The following GIT2 variants were observed in gnomAD, a reference collection of about 807,000 sequenced individuals.
GIT2 encodes ARF GTPase-activating protein GIT2.
In GIT2, 32 loss-of-function variants were observed where a neutral mutation model predicts 100.3. The observed-to-expected ratio is 0.32, with a 90% CI of 0.24 to 0.43. GIT2 has a LOEUF of 0.43. Ranked by LOEUF, GIT2 falls within the 20% of genes least tolerant of loss-of-function variation. The probability of loss-of-function intolerance (pLI) is 1.00; values close to 1 mark genes in which losing one functional copy is unlikely to be tolerated. For missense variants in GIT2, 737 were observed against 975.1 expected (o/e 0.76, Z 3.25); for synonymous variants, 353 against 364.1 (o/e 0.97, Z 0.35).
chr12:109,933,942 A>G lies in GIT2; in HGVS notation c.2067+80T>C, dbSNP rs1050400522. 3.2e-5 allele frequency: 26 copies of G among 822,742 alleles called. No homozygotes were observed. Among genetic ancestry groups the G allele is most frequent in the Non-Finnish European group, 5.0e-5 (23 of 459,744 alleles). The allele number at this position is 822,742 out of a possible 1,614,324, so 51.0% of individuals were successfully genotyped here. A position where few individuals can be genotyped will look rare whatever the true frequency, so the allele number is the denominator to read the frequency against. ...AAACTGCATGTGCTACAAAAAAGCT[A>G]ATGTAATATATAGGTCATAAAGAAA... On this transcript the variant is annotated intron_variant, in intron 19 of 19. Transcript: ENST00000355312. The surrounding 1 kb of genome is among the most constrained non-coding windows in gnomAD (Gnocchi z 4.5).
chr12:109,933,705 G>A lies in GIT2; in HGVS notation c.2067+317C>T, dbSNP rs1380986113. On this transcript the variant is annotated intron_variant, in intron 19 of 19. Transcript: ENST00000355312. This position sits in a 1 kb window ranked among gnomAD's most constrained non-coding sequence, Gnocchi z 4.5. ...CAACCTCCGCCTCCTGGGTTCAAGC[G>A]ATTCTCCTGCTTCAGCCTCCTGAGT... 1.8e-5 allele frequency: 5 copies of A among 273,708 alleles called. No individual in the cohort carries two copies. Among genetic ancestry groups the A allele is most frequent in the Admixed American group, 4.8e-5 (1 of 20,692 alleles). 17.0% of individuals were successfully genotyped at this position (273,708 alleles called of 1,614,324 possible).
intron 12 of GIT2, among the ~76,000 whole-genome samples, chr12:109,954,884 G>A (rs1225765092): frequency 1.4e-5 from 2 of 148,002 alleles, no homozygotes; most frequent in Admixed American, 6.7e-5. Context: ...GGATGACAGC[G>A]AGACTCTGTC....
At chr12:109,961,898 C>CA (rs1218852850) in intron 9 of GIT2, among the ~76,000 whole-genome samples, 3 of 152,180 alleles carry the variant, frequency 2.0e-5, no homozygotes, top group Non-Finnish European at 4.4e-5. Context: ...CTTTATGACA[C>CA]AGACAGAGCT....
intron 2 of GIT2, among the ~76,000 whole-genome samples, chr12:109,990,886 C>T (rs992519786): frequency 2.0e-5 from 3 of 152,214 alleles, no homozygotes; most frequent in Non-Finnish European, 4.4e-5. Flanking sequence ...TCTGAGGAAT[C>T]CCAGCCCATG....
chr12:109,983,611 A>G lies in GIT2; in HGVS notation c.489T>C (p.His163=). Residue 163 remains histidine, a synonymous_variant, in exon 5 of 20, where the codon CAT becomes CAC. Transcript: ENST00000355312. The stretch of plus-strand genomic sequence containing the variant: ...GAAGCAATTCATGTTTTCTTACAGG[A>G]TGAAAGAAGTTGGCTTGTGCTCCTA... ...LSLGAQANFF[H]PEKGNTPLHV... 1.9e-6 allele frequency: 3 copies of G among 1,605,460 alleles called. No homozygotes were observed. Among genetic ancestry groups the G allele is most frequent in the African/African-American group, 1.3e-5 (1 of 74,846 alleles).
At chr12:109,977,098 G>A (rs936167596) in intron 7 of GIT2, among the ~76,000 whole-genome samples, 3 of 151,576 alleles carry the variant, frequency 2.0e-5, no homozygotes, top group African/African-American at 7.3e-5. Context: ...TTTTTTTCCT[G>A]TTAGAATGTC....
At chr12:109,994,366 T>TC (rs1183007450) in intron 1 of GIT2, among the ~76,000 whole-genome samples, 1 of 152,114 alleles carries the variant, frequency 6.6e-6, no homozygotes, top group Non-Finnish European at 1.5e-5. Flanking sequence ...TGTTTGTGAC[T>TC]CCCCCAGACA....
intron 1 of GIT2, among the ~76,000 whole-genome samples, chr12:109,995,715 T>G (rs1889231344): frequency 6.6e-6 from 1 of 152,224 alleles, no homozygotes. Context: ...GGAAGTCATC[T>G]ACGGGGACCC....
Position 109,947,304 on chromosome 12 carries a change from C to T in GIT2, c.1593G>A (p.Ala531=), listed in dbSNP as rs1413255204. The T allele has an allele frequency of 6.2e-6, 10 of 1,614,098 alleles. No homozygotes were observed. Among genetic ancestry groups the T allele is most frequent in the East Asian group, 4.5e-5 (2 of 44,890 alleles). The change falls in exon 15 of 20, where the codon GCG becomes GCA. Residue 531 remains alanine, a synonymous_variant. Transcript: ENST00000355312. This position sits in a 1 kb window ranked among gnomAD's most constrained non-coding sequence, Gnocchi z 4.3. ...GQKPYLPMGE[A]SRPEESRMRL... ...TCATCCTGCTCTCTTCGGGGCGGCT[C>T]GCTTCTCCCATTGGGAGATATGGTT... is the stretch of plus-strand genomic sequence containing the variant.
intron 7 of GIT2, among the ~76,000 whole-genome samples, chr12:109,968,663 T>C (rs548906239): frequency 6.6e-6 from 1 of 152,200 alleles, no homozygotes; most frequent in South Asian, 2.1e-4. Context: ...CCTCAGGTGA[T>C]CTGCCTGCGT....
chr12:109,980,397 T>A (rs916429652), intron 7 of GIT2, among the ~76,000 whole-genome samples: 7 of 151,920 alleles, frequency 4.6e-5, no homozygotes, highest in African/African-American at 1.2e-4. Context: ...TTATTTATTT[T>A]TATTTATTTA....
Position 109,944,070 on chromosome 12 carries a change from C to T in GIT2, c.1731+1190G>A, listed in dbSNP as rs184238729. Among the ~76,000 whole-genome samples, 61 of 152,168 alleles carry T rather than the reference C, an allele frequency of 4.0e-4. 1 individual carries two copies. In the East Asian group the frequency reaches 0.012, roughly 29 times the overall value. On this transcript the variant is annotated intron_variant, in intron 16 of 19. Transcript: ENST00000355312. ...GCCTGTAGGCCCAGCTACTCAGAAG[C>T]CTGAAGTGGGAGGACTGCTTGAGCC...
At chr12:109,943,852 C>T (rs923084281) in intron 16 of GIT2, among the ~76,000 whole-genome samples, 12 of 151,876 alleles carry the variant, frequency 7.9e-5, no homozygotes, top group Admixed American at 1.3e-4. Flanking sequence ...TCAACACACC[C>T]GGATAATTTT....
intron 7 of GIT2, among the ~76,000 whole-genome samples, chr12:109,974,154 T>C (rs1398777990): frequency 3.3e-5 from 5 of 152,242 alleles, no homozygotes; most frequent in Admixed American, 6.5e-5. Flanking sequence ...AATTCTGATA[T>C]GCTGCATTTT....
rs1416123935 is a variant in GIT2, at chr12:109,968,003, T to G, written c.719-500A>C. On this transcript the variant is annotated intron_variant, in intron 7 of 19. Transcript: ENST00000355312. ...TAATCTAGCTCCTGGAGAACACTGA[T>G]CCATGTGCCAATGAATAACGCCACT... is the stretch of plus-strand genomic sequence containing the variant. Among the ~76,000 whole-genome samples, 5 of 152,344 alleles carry G rather than the reference T, an allele frequency of 3.3e-5. No individual in the cohort carries two copies. In the East Asian group the frequency reaches 9.7e-4, roughly 29 times the overall value.
At position 109,929,835 on chromosome 12, in the gene GIT2, C is replaced by A. The variant is rs1871342343; in HGVS notation, c.*3143G>T. The A allele has an allele frequency of 6.6e-6, 1 of 152,560 alleles. No homozygotes were observed. Among genetic ancestry groups the A allele is most frequent in the Non-Finnish European group, 1.5e-5 (1 of 68,034 alleles). The allele number at this position is 152,560 out of a possible 1,614,324, so 9.5% of individuals were successfully genotyped here. A position where few individuals can be genotyped will look rare whatever the true frequency, so the allele number is the denominator to read the frequency against. On this transcript the variant is annotated 3_prime_UTR_variant, in exon 20 of 20. Coordinates refer to ENST00000355312, the MANE Select transcript of GIT2 (RefSeq NM_057169.5). ...TAGAGCCTGTTTATTGCATAACTAG[C>A]AGGCACAAATTCCAAAACGATTTTA...
chr12:109,995,739 A>G (rs1407136334), intron 1 of GIT2, among the ~76,000 whole-genome samples: 1 of 152,180 alleles, frequency 6.6e-6, no homozygotes, highest in African/African-American at 2.4e-5. Context: ...GGCGAGTCTC[A>G]GGGAGTGTCA....
chr12:109,999,600 G>C, upstream of GIT2: 2 of 1,089,742 alleles, frequency 1.8e-6, no homozygotes, highest in South Asian at 1.8e-5. The surrounding 1 kb of genome is among the most constrained non-coding windows in gnomAD (Gnocchi z 4.3). Context: ...CTTGCTCGCC[G>C]GCCTCAGGGC....
intron 4 of GIT2, among the ~76,000 whole-genome samples, chr12:109,985,080 C>T (rs940741888): frequency 1.3e-5 from 2 of 152,144 alleles, no homozygotes. Flanking sequence ...GATGCAGTAA[C>T]CCTTATCACA....
Sources: gnomAD v4.1 joint callset for allele counts (sites outside exome capture counted in the v4.1 genomes callset) on GRCh38, gnomAD v4.1.1 for gene constraint, Gnocchi (gnomAD v3.1) non-coding constraint, MANE v1.5 for transcripts, NCBI Gene and HGNC (gene_info 2026-07-23, HGNC 2026-07-21) for gene names.